SLC4A7: variants seen among roughly 807,000 people sequenced by gnomAD.
SLC4A7 encodes sodium bicarbonate cotransporter 3.
SLC4A7 carries 51 observed loss-of-function variants against 137.6 expected under a neutral mutation model. That is an observed-to-expected ratio of 0.37 (90% CI 0.30 to 0.47). The LOEUF is 0.47. Ranked by LOEUF, SLC4A7 falls within the 20% of genes least tolerant of loss-of-function variation. SLC4A7 has a pLI of 1.00. For synonymous variants in SLC4A7, 542 were observed against 518.6 expected (o/e 1.05, Z -0.61); for missense variants, 1,247 against 1,525.4 (o/e 0.82, Z 3.04).
chr3:27,406,707 T>C (rs1466985385), intron 13 of SLC4A7, among the ~76,000 whole-genome samples: 2 of 152,112 alleles, frequency 1.3e-5, no homozygotes, highest in Non-Finnish European at 1.5e-5. Flanking sequence ...GGTGGGTGGA[T>C]TGTTTTGAGC....
intron 1 of SLC4A7, among the ~76,000 whole-genome samples, chr3:27,466,449 C>CA (rs34880724): frequency 0.059 from 7,749 of 132,092 alleles, 682 homozygotes; most frequent in African/African-American, 0.2. Context: ...GACTCCGTCT[C>CA]AAAAAAAAAA....
At chr3:27,428,405 T>C (rs1232273065) in intron 7 of SLC4A7, 2 of 154,376 alleles carry the variant, frequency 1.3e-5, no homozygotes, top group South Asian at 2.0e-4. Context: ...TCGCTGTCTC[T>C]GGAACAAACT....
chr3:27,384,571 A>G (rs1175693668), intron 23 of SLC4A7, among the ~76,000 whole-genome samples: 1 of 152,204 alleles, frequency 6.6e-6, no homozygotes, highest in Non-Finnish European at 1.5e-5. Flanking sequence ...TTTGTTATAT[A>G]TGACGAACCT....
At chr3:27,421,555 T>C in intron 9 of SLC4A7, 67 bp downstream of exon 9, 1 of 1,205,672 alleles carries the variant, frequency 8.3e-7, no homozygotes, top group Non-Finnish European at 1.2e-6. Flanking sequence ...GCTTGTTCAT[T>C]CGCTGGATTA....
chr3:27,403,428 T>G, intron 14 of SLC4A7, 44 bp from the exon 15 acceptor site: 1 of 1,418,268 alleles, frequency 7.1e-7, no homozygotes, highest in Non-Finnish European at 9.6e-7. Context: ...ATATGTGGAA[T>G]AGTATTTGTA....
At chr3:27,477,364 T>C (rs1025515175) in intron 1 of SLC4A7, among the ~76,000 whole-genome samples, 4 of 152,218 alleles carry the variant, frequency 2.6e-5, no homozygotes, top group African/African-American at 7.2e-5. Context: ...TAATCACTTA[T>C]TATTATCTCT....
intron 6 of SLC4A7, chr3:27,433,235 A>G (rs966884255): frequency 3.3e-5 from 5 of 152,306 alleles, no homozygotes; most frequent in Non-Finnish European, 7.3e-5. Flanking sequence ...TGGAGGCTAC[A>G]GTGACTCTCC....
At chr3:27,418,335 G>A in intron 11 of SLC4A7, 151 bp downstream of exon 11, 1 of 585,042 alleles carries the variant, frequency 1.7e-6, no homozygotes, top group Non-Finnish European at 3.0e-6. Flanking sequence ...GTAAAAAATG[G>A]TCCACCCACA....
chr3:27,472,916 C>T (rs1439280805), intron 1 of SLC4A7, among the ~76,000 whole-genome samples: 1 of 151,976 alleles, frequency 6.6e-6, no homozygotes, highest in African/African-American at 2.4e-5. Context: ...CTCAGCTATA[C>T]TAAAAATACA....
chr3:27,460,475 T>C (rs1400874797), intron 1 of SLC4A7, among the ~76,000 whole-genome samples: 1 of 152,244 alleles, frequency 6.6e-6, no homozygotes, highest in African/African-American at 2.4e-5. Context: ...AATTAAATAC[T>C]GTATTGTCTG....
chr3:27,429,890 T>A (rs1174151961), intron 7 of SLC4A7, among the ~76,000 whole-genome samples: 1 of 150,420 alleles, frequency 6.6e-6, no homozygotes, highest in East Asian at 2.0e-4. Flanking sequence ...GCCTAAAATG[T>A]ACTACATTCT....
intron 18 of SLC4A7, among the ~76,000 whole-genome samples, chr3:27,397,059 C>T (rs2055121): frequency 0.92 from 140,640 of 152,074 alleles, 65,155 homozygotes; most frequent in East Asian, 1. Flanking sequence ...ATGGAGTTCC[C>T]CTCTTATTGC....
Position 27,418,499 on chromosome 3 carries a change from C to T in SLC4A7, c.1646G>A (p.Ser549Asn). Residue 549 changes from serine to asparagine, a missense_variant, in exon 11 of 26, where the codon AGT becomes AAT. By Grantham distance (46) the Ser-to-Asn change is conservative. Transcript: ENST00000454389. The stretch of plus-strand genomic sequence containing the variant: ...CTGGATTCTTACCTGAGAAGGGACA[C>T]TTTTTGGTGGTTCTATGCGTATAGA... ...DPSIRIEPPKSVPSQEKRKIP... is the reference protein window; with the variant it reads ...DPSIRIEPPKNVPSQEKRKIP... 6.2e-7 allele frequency: 1 copy of T among 1,608,410 alleles called. No homozygotes were observed. Among genetic ancestry groups the T allele is most frequent in the Non-Finnish European group, 8.5e-7 (1 of 1,177,772 alleles).
In SLC4A7 at chr3:27,402,287, C is replaced by T. The variant is rs189629984; in HGVS notation, c.2321+852G>A. Among the ~76,000 whole-genome samples the T allele has an allele frequency of 5.5e-3, 836 of 152,302 alleles. 5 individuals are homozygous for T. Among genetic ancestry groups the T allele is most frequent in the Non-Finnish European group, 8.7e-3 (591 of 68,020 alleles). ...TATACTTGCCAAACTTTTGTAACCA[C>T]TACACATTCCTTTTCAAATCCTACT... On this transcript the variant is annotated intron_variant, in intron 15 of 25. Transcript: ENST00000454389.
At chr3:27,385,179 T>C (rs1447412867) in intron 23 of SLC4A7, among the ~76,000 whole-genome samples, 4 of 152,176 alleles carry the variant, frequency 2.6e-5, no homozygotes, top group African/African-American at 9.6e-5. Flanking sequence ...TTTCAAACAA[T>C]ACTCTGAATG....
intron 9 of SLC4A7, 75 bp from the exon 10 acceptor site, chr3:27,420,862 A>C (rs2150297463): frequency 1.0e-6 from 1 of 983,408 alleles, no homozygotes; most frequent in Middle Eastern, 2.2e-4. Flanking sequence ...TAAAAAAGAA[A>C]CCATTCAAAT....
intron 5 of SLC4A7, among the ~76,000 whole-genome samples, chr3:27,435,720 T>C (rs2056683511): frequency 1.3e-5 from 2 of 152,086 alleles, no homozygotes; most frequent in African/African-American, 2.4e-5. Flanking sequence ...TATACACCTG[T>C]GGTCCCAGCT....
At chr3:27,458,915 G>A (rs892915509) in intron 1 of SLC4A7, among the ~76,000 whole-genome samples, 36 of 152,114 alleles carry the variant, frequency 2.4e-4, no homozygotes, top group African/African-American at 8.5e-4. Context: ...GCTGGAACCC[G>A]GGAGGTGGAG....
chr3:27,404,126 T>C (rs761771077), intron 14 of SLC4A7, among the ~76,000 whole-genome samples: 1 of 152,184 alleles, frequency 6.6e-6, no homozygotes, highest in Non-Finnish European at 1.5e-5. Context: ...AATCCCAAAC[T>C]TGGGGAGGCC....
Sources: gnomAD v4.1 joint callset for allele counts (sites outside exome capture counted in the v4.1 genomes callset) on GRCh38, gnomAD v4.1.1 for gene constraint, MANE v1.5 for transcripts, NCBI Gene and HGNC (gene_info 2026-07-23, HGNC 2026-07-21) for gene names.